The following MAPRE3 variants were observed in gnomAD, a reference collection of about 807,000 sequenced individuals.
MAPRE3 encodes the protein microtubule associated protein RP/EB family member 3.
MAPRE3 carries 2 observed loss-of-function variants against 30.5 expected under a neutral mutation model. The ratio of observed to expected loss-of-function variants is 0.07; its 90% CI spans 0.03 to 0.21. MAPRE3 has a LOEUF of 0.21. Ranked by LOEUF, MAPRE3 falls within the 10% of genes least tolerant of loss-of-function variation. The probability of loss-of-function intolerance (pLI) is 1.00; values close to 1 mark genes in which losing one functional copy is unlikely to be tolerated. For missense variants in MAPRE3, 204 were observed against 351.8 expected, an observed-to-expected ratio of 0.58 and a Z score of 3.36; for synonymous variants, 110 against 127.7, an observed-to-expected ratio of 0.86 and a Z score of 0.93.
At position 26,985,317 on chromosome 2, in the gene MAPRE3, A is replaced by G. The variant is rs1387753519; in HGVS notation, c.-8+14515A>G. Among the ~76,000 whole-genome samples, 5 of 152,222 alleles carry G rather than the reference A, an allele frequency of 3.3e-5. No homozygotes were observed. Among genetic ancestry groups the G allele is most frequent in the Admixed American group, 3.3e-4 (5 of 15,284 alleles). ...TTCCCAGCTCCTGAGATAATTCACA[A>G]TATTCTCATTCCAAATTCTGTTCTG... On this transcript the variant is annotated intron_variant, in intron 1 of 6. Transcript: ENST00000233121. The surrounding 1 kb of genome is among the most constrained non-coding windows in gnomAD (Gnocchi z 4.2).
chr2:26,972,663 G>A (rs1363386027), intron 1 of MAPRE3, among the ~76,000 whole-genome samples: 2 of 152,196 alleles, frequency 1.3e-5, no homozygotes, highest in African/African-American at 4.8e-5. Context: ...GCTCCTCCTG[G>A]GCTGAGTGTA....
At chr2:26,979,136 G>C (rs1666068146) in intron 1 of MAPRE3, among the ~76,000 whole-genome samples, 3 of 152,210 alleles carry the variant, frequency 2.0e-5, no homozygotes, top group Admixed American at 2.0e-4. Context: ...ACTGGAGCTG[G>C]GTGTGCAGGT....
rs183042423 is a variant in MAPRE3, at chr2:27,016,509, T to C, written c.-7-5703T>C. 8.4e-3 allele frequency among the ~76,000 whole-genome samples: 1,281 copies of C among 151,598 alleles called. 19 individuals carry two copies. The highest frequency in any genetic ancestry group is 0.03 in the African/African-American group (1,249 of 41,330). The stretch of plus-strand genomic sequence containing the variant: ...ACGCCATTCTCCTGCCTCAGCCTCC[T>C]GAGTAGCTGGGACTACAAGTGCCCG... On this transcript the variant is annotated intron_variant, in intron 1 of 6. Coordinates refer to ENST00000233121, the MANE Select transcript of MAPRE3 (RefSeq NM_012326.4).
intron 1 of MAPRE3, chr2:26,984,681 C>T (rs1666184932): frequency 6.6e-6 from 1 of 152,238 alleles, no homozygotes; most frequent in Non-Finnish European, 1.5e-5. Flanking sequence ...ACCCTAAGCC[C>T]CTCCATACAG....
Position 26,999,488 on chromosome 2 carries a change from C to CTTTTTTTTTTTTT in MAPRE3, c.-7-22709_-7-22697dup, listed in dbSNP as rs531651199. On this transcript the variant is annotated intron_variant, in intron 1 of 6. Transcript: ENST00000233121. ...TTTTTTCTTCTTTCTTTCCTTCTTTCTTTTTTTTTTTTTTTTTTTTTTTTT... is the reference window on the plus strand; with the variant it reads ...TTTTTTCTTCTTTCTTTCCTTCTTTCTTTTTTTTTTTTTTTTTTTTTTTTTTTTTTTTTTTTTT... Among the ~76,000 whole-genome samples, 11 of 79,006 alleles carry CTTTTTTTTTTTTT rather than the reference C, an allele frequency of 1.4e-4. 1 individual carries two copies. The highest frequency in any genetic ancestry group is 3.6e-4 in the East Asian group (1 of 2,740). The allele number at this position is 79,006 out of a possible 152,430, so 51.8% of individuals were successfully genotyped here.
chr2:26,997,362 T>A (rs985095141), intron 1 of MAPRE3, among the ~76,000 whole-genome samples: 1 of 147,384 alleles, frequency 6.8e-6, no homozygotes, highest in African/African-American at 2.5e-5. Flanking sequence ...TTTTTTGTGA[T>A]TTTTTTTTTT....
At chr2:27,014,554 G>T (rs890863125) in intron 1 of MAPRE3, 1 of 152,378 alleles carries the variant, frequency 6.6e-6, no homozygotes, top group Non-Finnish European at 1.5e-5. Context: ...GGGGGCGCAT[G>T]CTGGGCTCCA....
At chr2:26,987,016 G>A (rs1233108223) in intron 1 of MAPRE3, among the ~76,000 whole-genome samples, 1 of 152,078 alleles carries the variant, frequency 6.6e-6, no homozygotes, top group East Asian at 1.9e-4. Context: ...CTTGAAGTCA[G>A]ACGGAATTAC....
chr2:27,023,840 G>T, intron 3 of MAPRE3: 1 of 517,958 alleles, frequency 1.9e-6, no homozygotes, highest in African/African-American at 1.9e-5. Flanking sequence ...CCCACACGCA[G>T]GCAGTAGAGC....
At chr2:26,972,113 C>T (rs182772683) in intron 1 of MAPRE3, among the ~76,000 whole-genome samples, 154 of 152,276 alleles carry the variant, frequency 1.0e-3, no homozygotes, top group African/African-American at 3.6e-3. Flanking sequence ...ACTATATGAC[C>T]TCATTGTCAG....
chr2:27,025,825 C>T, intron 5 of MAPRE3, 55 bp from the exon 6 acceptor site: 2 of 1,613,462 alleles, frequency 1.2e-6, no homozygotes, highest in Non-Finnish European at 1.7e-6. Context: ...GGAGGGCAGG[C>T]AGGGGAACCT....
intron 1 of MAPRE3, among the ~76,000 whole-genome samples, chr2:27,004,068 C>T (rs1000675816): frequency 6.6e-6 from 1 of 152,210 alleles, no homozygotes; most frequent in African/African-American, 2.4e-5. Flanking sequence ...AGGCTCTGTG[C>T]CCACGAGCCA....
intron 1 of MAPRE3, among the ~76,000 whole-genome samples, chr2:27,020,847 A>C (rs1257024188): frequency 6.6e-6 from 1 of 152,188 alleles, no homozygotes; most frequent in Non-Finnish European, 1.5e-5. Context: ...ATGGATTAAG[A>C]GGAGGGAGAG....
intron 1 of MAPRE3, among the ~76,000 whole-genome samples, chr2:27,016,762 C>T (rs1417975649): frequency 6.6e-6 from 1 of 152,156 alleles, no homozygotes; most frequent in Non-Finnish European, 1.5e-5. Context: ...TACACCTCTG[C>T]CCCCAGCAGC....
intron 2 of MAPRE3, chr2:27,022,633 A>G (rs1667133848): frequency 3.0e-6 from 1 of 334,902 alleles, no homozygotes; most frequent in African/African-American, 2.1e-5. Flanking sequence ...CAGTTTTAAC[A>G]CATGGTAAGT....
intron 1 of MAPRE3, among the ~76,000 whole-genome samples, chr2:27,001,344 G>A (rs1411432576): frequency 6.6e-6 from 1 of 152,176 alleles, no homozygotes; most frequent in Non-Finnish European, 1.5e-5. Context: ...TAGTATTTGG[G>A]TATCTAAATA....
At chr2:27,022,065 T>A in intron 1 of MAPRE3, 147 bp from the exon 2 acceptor site, 1 of 853,308 alleles carries the variant, frequency 1.2e-6, no homozygotes, top group Non-Finnish European at 1.8e-6. Context: ...GTCTAAGGAA[T>A]AAAGACCCTC....
Sources: allele counts gnomAD v4.1 joint callset (sites outside exome capture counted in the v4.1 genomes callset), GRCh38; gene constraint gnomAD v4.1.1; non-coding constraint Gnocchi (gnomAD v3.1); transcripts MANE v1.5; gene names NCBI Gene and HGNC (gene_info 2026-07-23, HGNC 2026-07-21).